Variants in TIGD3 observed in about 807,000 individuals in gnomAD.
TIGD3 encodes the protein tigger transposable element derived 3, also known as tigger transposable element-derived protein 3.
TIGD3 carries 7 observed loss-of-function variants against 14.8 expected under a neutral mutation model. That is an observed-to-expected ratio of 0.47 (90% confidence interval 0.27 to 0.89). The LOEUF (loss-of-function observed/expected upper bound fraction) is 0.89. Ranked by LOEUF, TIGD3 falls within the 40% of genes least tolerant of loss-of-function variation. The probability of loss-of-function intolerance (pLI) is 0.13; values close to 1 mark genes in which losing one functional copy is unlikely to be tolerated. For missense variants in TIGD3, 581 were observed against 611.0 expected, an observed-to-expected ratio of 0.95 and a Z score of 0.52; for synonymous variants, 243 against 269.4, an observed-to-expected ratio of 0.90 and a Z score of 0.96.
rs754612659 is a variant in TIGD3, at chr11:65,357,194, G to A, written c.1386G>A (p.Glu462=). The change falls in exon 2 of 2, where the codon GAG becomes GAA. Residue 462 remains glutamate, a synonymous_variant. Coordinates refer to ENST00000309880, the MANE Select transcript of TIGD3 (RefSeq NM_145719.3). The stretch of plus-strand genomic sequence containing the variant: ...TATTCGAAAAATTCTACGACTGTGA[G>A]GAGGAGGTGGAGCGGCTTTGCTGCC... ...PELFEKFYDC[E]EEVERLCCL is the part of the protein sequence containing the mutation. 2.5e-6 allele frequency: 4 copies of A among 1,614,074 alleles called. No individual in the cohort carries two copies. Among genetic ancestry groups the A allele is most frequent in the African/African-American group, 2.7e-5 (2 of 74,946 alleles).
At position 65,356,817 on chromosome 11, in the gene TIGD3, G is replaced by A. The variant is rs758062606; in HGVS notation, c.1009G>A (p.Val337Met). The change falls in exon 2 of 2, where the codon GTG (valine) becomes ATG (methionine). Residue 337 changes from valine to methionine, a missense_variant. Transcript: ENST00000309880. This position sits in a 1 kb window ranked among gnomAD's most constrained non-coding sequence, Gnocchi z 5.2. ...SLAEAGAGIT[V>M]LDALHVASAA... ...GGCCGAGGCCGGGGCAGGCATCACC[G>A]TGCTGGACGCCCTGCACGTGGCGTC... The A allele has an allele frequency of 2.6e-5, 42 of 1,612,938 alleles. No individual in the cohort carries two copies. Among genetic ancestry groups the A allele is most frequent in the Admixed American group, 8.3e-5 (5 of 60,004 alleles).
chr11:65,356,510 C>G lies in TIGD3; in HGVS notation c.702C>G (p.Ser234=). The G allele has an allele frequency of 1.9e-6, 3 of 1,606,806 alleles. No individual in the cohort carries two copies. The highest frequency in any genetic ancestry group is 2.5e-6 in the Non-Finnish European group (3 of 1,179,964). ...TCCGCAGTGAGGCTCTGCCTGCCTC[C>G]TACCACCCGGACCTGGGCATCCCCT... The part of the protein sequence containing the change: ...FGIRSEALPA[S]YHPDLGIPWL... Residue 234 remains serine (S), a synonymous_variant, in exon 2 of 2, where the codon TCC becomes TCG. Coordinates refer to ENST00000309880, the MANE Select transcript of TIGD3 (RefSeq NM_145719.3). The surrounding 1 kb of genome is among the most constrained non-coding windows in gnomAD (Gnocchi z 5.2).
chr11:65,356,952 C>T lies in TIGD3; in HGVS notation c.1144C>T (p.Pro382Ser), dbSNP rs777668705. The T allele has an allele frequency of 1.2e-6, 2 of 1,614,182 alleles. No individual in the cohort carries two copies. Among genetic ancestry groups the T allele is most frequent in the South Asian group, 1.1e-5 (1 of 91,088 alleles). The change falls in exon 2 of 2, where the codon CCA becomes TCA. Residue 382 changes from proline to serine, a missense_variant. By Grantham distance (74) the Pro-to-Ser change is moderately conservative. Transcript: ENST00000309880. This position sits in a 1 kb window ranked among gnomAD's most constrained non-coding sequence, Gnocchi z 5.2. Reference protein sequence around the residue: ...PSSHKTSEMPPVPGGLSLEEF... With the variant: ...PSSHKTSEMPSVPGGLSLEEF... ...CTCGCACAAAACCTCTGAGATGCCA[C>T]CAGTCCCCGGCGGGCTGAGCCTGGA...
intron 1 of TIGD3, among the ~76,000 whole-genome samples, chr11:65,355,395 G>T (rs891179270): frequency 1.6e-5 from 1 of 63,786 alleles, no homozygotes; most frequent in Non-Finnish European, 2.9e-5. Context: ...AGCCCAAGCC[G>T]CCTCCCACTC....
chr11:65,355,938 C>T lies in TIGD3; in HGVS notation c.130C>T (p.Gln44Ter). The part of the protein sequence containing the change: ...VARRFQVSQP[Q>*]ISRICKNKEK... ...CCGGCGCTTCCAGGTTTCCCAGCCCCAGATCTCGCGCATCTGCAAGAATAA... is the reference window on the plus strand; with the variant it reads ...CCGGCGCTTCCAGGTTTCCCAGCCCTAGATCTCGCGCATCTGCAAGAATAA... Residue 44 changes from glutamine (Q) to a stop codon, truncating the protein, a stop_gained, in exon 2 of 2, where the codon CAG becomes TAG. Transcript: ENST00000309880. LOFTEE classifies it high-confidence loss of function. The T allele has an allele frequency of 6.2e-7, 1 of 1,613,966 alleles. No individual in the cohort carries two copies.
Position 65,356,033 on chromosome 11 carries a change from G to A in TIGD3, c.225G>A (p.Lys75=). ...AGCGCAAGCGCAAGCGGGAGTCCAAGTACAGCGGGATCGACGAGGCTCTGC... is the reference window on the plus strand; with the variant it reads ...AGCGCAAGCGCAAGCGGGAGTCCAAATACAGCGGGATCGACGAGGCTCTGC... ...NRERKRKRES[K]YSGIDEALLC... is the part of the protein sequence containing the mutation. Residue 75 remains lysine (K), a synonymous_variant, in exon 2 of 2, where the codon AAG becomes AAA. Transcript: ENST00000309880. This position sits in a 1 kb window ranked among gnomAD's most constrained non-coding sequence, Gnocchi z 5.2. The A allele has an allele frequency of 6.2e-7, 1 of 1,613,350 alleles. No homozygotes were observed. The highest frequency in any genetic ancestry group is 8.5e-7 in the Non-Finnish European group (1 of 1,180,038).
rs771841814 is a variant in TIGD3 at position 65,355,765 on chromosome 11, A to G, written c.-16-28A>G. 5.6e-5 allele frequency: 87 copies of G among 1,554,782 alleles called. 1 individual carries two copies. The Admixed American group carries it at 1.6e-3, about 29-fold the overall frequency. ...AGCTCTTCCGGCCTCAGATTACTCT[A>G]CCCGCTCAATCTTTCCTCCCCGCAC... is the stretch of plus-strand genomic sequence containing the variant. On this transcript the variant is annotated intron_variant, in intron 1 of 1. Coordinates refer to ENST00000309880, the MANE Select transcript of TIGD3 (RefSeq NM_145719.3).
At position 65,356,102 on chromosome 11, in the gene TIGD3, G is replaced by A. The variant is rs1854848524; in HGVS notation, c.294G>A (p.Thr98=). 1.9e-6 allele frequency: 3 copies of A among 1,611,306 alleles called. No individual in the cohort carries two copies. Among genetic ancestry groups the A allele is most frequent in the African/African-American group, 2.7e-5 (2 of 75,072 alleles). Residue 98 remains threonine, a synonymous_variant, in exon 2 of 2, where the codon ACG becomes ACA. Transcript: ENST00000309880. The surrounding 1 kb of genome is among the most constrained non-coding windows in gnomAD (Gnocchi z 5.2). The part of the protein sequence containing the change: ...HIARAKAWDV[T]GPMLLHKAKE... ...CCCGGGCCAAGGCCTGGGACGTGAC[G>A]GGGCCCATGCTGCTCCACAAAGCCA...
chr11:65,356,353 A>G lies in TIGD3; in HGVS notation c.545A>G (p.Tyr182Cys), dbSNP rs2137725699. ...GGCTGTGCTGAATTGCCCTTGCTGT[A>G]TCGGGCAGTGCCCGGCAGCTTTGGT... ...VFGCAELPLL[Y>C]RAVPGSFGAC... is the part of the protein sequence containing the mutation. The change falls in exon 2 of 2, where the codon TAT becomes TGT. Residue 182 changes from tyrosine to cysteine, a missense_variant. Tyr to Cys is a radical substitution (Grantham distance 194). Transcript: ENST00000309880. The surrounding 1 kb of genome is among the most constrained non-coding windows in gnomAD (Gnocchi z 5.2). The G allele has an allele frequency of 6.2e-7, 1 of 1,611,904 alleles. No homozygotes were observed.
rs996985367 is a variant in TIGD3 at position 65,357,429 on chromosome 11, G to A, written c.*205G>A. On this transcript the variant is annotated 3_prime_UTR_variant, in exon 2 of 2. Coordinates refer to ENST00000309880, the MANE Select transcript of TIGD3 (RefSeq NM_145719.3). ...AAGAGAGCTCTAAAGATGGGGCTTC[G>A]GGGGTAGGAATCCAGGATGCTTAGT... 17 of 575,612 alleles carry A rather than the reference G, an allele frequency of 3.0e-5. No individual in the cohort carries two copies. Among genetic ancestry groups the A allele is most frequent in the South Asian group, 2.3e-4 (11 of 46,974 alleles). The allele number at this position is 575,612 out of a possible 1,614,324, so 35.7% of individuals were successfully genotyped here. A position where few individuals can be genotyped will look rare whatever the true frequency, so the allele number is the denominator to read the frequency against.
Position 65,356,214 on chromosome 11 carries a change from G to T in TIGD3, c.406G>T (p.Gly136Trp), listed in dbSNP as rs769813192. ...RWKRRNNVGF[G>W]ARHVLAPSFP... ...GAAACGCCGAAACAACGTCGGCTTT[G>T]GGGCCCGCCATGTTCTTGCGCCTTC... is the stretch of plus-strand genomic sequence containing the variant. The change falls in exon 2 of 2, where the codon GGG becomes TGG. Residue 136 changes from glycine to tryptophan, a missense_variant. Coordinates refer to ENST00000309880, the MANE Select transcript of TIGD3 (RefSeq NM_145719.3). This position sits in a 1 kb window ranked among gnomAD's most constrained non-coding sequence, Gnocchi z 5.2. 15 of 1,612,476 alleles carry T rather than the reference G, an allele frequency of 9.3e-6. No individual in the cohort carries two copies. The highest frequency in any genetic ancestry group is 1.3e-5 in the Non-Finnish European group (15 of 1,179,990).
Position 65,356,929 on chromosome 11 carries a change from C to T in TIGD3, c.1121C>T (p.Ser374Leu), listed in dbSNP as rs750662966. 3 of 1,614,130 alleles carry T rather than the reference C, an allele frequency of 1.9e-6. No homozygotes were observed. The highest frequency in any genetic ancestry group is 1.7e-5 in the Admixed American group (1 of 60,034). ...GLAPGKTPPS[S>L]HKTSEMPPVP... The stretch of plus-strand genomic sequence containing the variant: ...GCTCCCGGCAAAACGCCCCCGTCCT[C>T]GCACAAAACCTCTGAGATGCCACCA... Residue 374 changes from serine (S) to leucine (L), a missense_variant, in exon 2 of 2, where the codon TCG becomes TTG. Coordinates refer to ENST00000309880, the MANE Select transcript of TIGD3 (RefSeq NM_145719.3). The surrounding 1 kb of genome is among the most constrained non-coding windows in gnomAD (Gnocchi z 5.2).
At position 65,356,017 on chromosome 11, in the gene TIGD3, G is replaced by A. The variant is rs144643341; in HGVS notation, c.209G>A (p.Arg70His). The A allele has an allele frequency of 2.5e-6, 4 of 1,613,600 alleles. No individual in the cohort carries two copies. The South Asian group carries it at 3.3e-5, about 13-fold the overall frequency. ...GGCACAGCCAACCGAGAGCGCAAGC[G>A]CAAGCGGGAGTCCAAGTACAGCGGG... Reference protein sequence around the residue: ...CSGTANRERKRKRESKYSGID... With the variant: ...CSGTANRERKHKRESKYSGID... Residue 70 changes from arginine (R) to histidine (H), a missense_variant, in exon 2 of 2, where the codon CGC becomes CAC. Transcript: ENST00000309880. The surrounding 1 kb of genome is among the most constrained non-coding windows in gnomAD (Gnocchi z 5.2).
Position 65,356,680 on chromosome 11 carries a change from G to A in TIGD3, c.872G>A (p.Ser291Asn), listed in dbSNP as rs760379588. 1 of 1,613,308 alleles carries A rather than the reference G, an allele frequency of 6.2e-7. No homozygotes were observed. The highest frequency in any genetic ancestry group is 1.1e-5 in the South Asian group (1 of 91,084). Residue 291 changes from serine (S) to asparagine (N), a missense_variant, in exon 2 of 2, where the codon AGC (serine) becomes AAC (asparagine). Transcript: ENST00000309880. The surrounding 1 kb of genome is among the most constrained non-coding windows in gnomAD (Gnocchi z 5.2). ...AAGCTCTTGCCTCTGGCCGCCTCTA[G>A]CACCACGCCTCCCCTGCCCAGCTCA... ...HVKLLPLAAS[S>N]TTPPLPSSVV...
At position 65,356,225 on chromosome 11, in the gene TIGD3, T is replaced by C. The variant is rs763224352; in HGVS notation, c.417T>C (p.His139=). The C allele has an allele frequency of 2.5e-6, 4 of 1,613,040 alleles. No homozygotes were observed. In the African/African-American group the frequency reaches 5.3e-5, roughly 22 times the overall value. ...RRNNVGFGAR[H]VLAPSFPPEP... is the part of the protein sequence containing the mutation. The stretch of plus-strand genomic sequence containing the variant: ...ACAACGTCGGCTTTGGGGCCCGCCA[T>C]GTTCTTGCGCCTTCATTCCCCCCTG... The change falls in exon 2 of 2, where the codon CAT becomes CAC. Residue 139 remains histidine, a synonymous_variant. Coordinates refer to ENST00000309880, the MANE Select transcript of TIGD3 (RefSeq NM_145719.3). This position sits in a 1 kb window ranked among gnomAD's most constrained non-coding sequence, Gnocchi z 5.2.
intron 1 of TIGD3, 118 bp downstream of exon 1, chr11:65,355,075 T>C (rs1001952169): frequency 6.6e-6 from 1 of 151,616 alleles, no homozygotes; most frequent in Non-Finnish European, 1.5e-5. Flanking sequence ...CCTGCCTGGG[T>C]CCGGGCGTTC....
Position 65,356,885 on chromosome 11 carries a change from C to T in TIGD3, c.1077C>T (p.Ser359=), listed in dbSNP as rs1371733599. 2.5e-6 allele frequency: 4 copies of T among 1,613,850 alleles called. No homozygotes were observed. In the Admixed American group the frequency reaches 6.7e-5, roughly 27 times the overall value. The change falls in exon 2 of 2, where the codon AGC becomes AGT. Residue 359 remains serine (S), a synonymous_variant. Transcript: ENST00000309880. The surrounding 1 kb of genome is among the most constrained non-coding windows in gnomAD (Gnocchi z 5.2). The part of the protein sequence containing the change: ...AKVPPQLIFS[S]FIQEGLAPGK... ...TGCCTCCTCAGCTCATTTTCAGCAG[C>T]TTCATTCAAGAAGGGCTGGCTCCCG...
chr11:65,355,978 C>T lies in TIGD3; in HGVS notation c.170C>T (p.Ala57Val). ...RICKNKEKLL[A>V]DWCSGTANRE... The stretch of plus-strand genomic sequence containing the variant: ...TGCAAGAATAAGGAGAAGCTGCTGG[C>T]GGACTGGTGCAGCGGCACAGCCAAC... Residue 57 changes from alanine (A) to valine (V), a missense_variant, in exon 2 of 2, where the codon GCG (alanine) becomes GTG (valine). By Grantham distance (64) the Ala-to-Val change is moderately conservative. Transcript: ENST00000309880. 1 of 1,613,814 alleles carries T rather than the reference C, an allele frequency of 6.2e-7. No homozygotes were observed. The highest frequency in any genetic ancestry group is 1.7e-5 in the Admixed American group (1 of 60,028).
At chr11:65,355,729 G>T in intron 1 of TIGD3, 64 bp from the exon 2 acceptor site, 1 of 1,358,158 alleles carries the variant, frequency 7.4e-7, no homozygotes, top group African/African-American at 1.5e-5. Context: ...TCCCTCCTGC[G>T]CTCCTTTCCT....
Sources: allele counts gnomAD v4.1 joint callset (sites outside exome capture counted in the v4.1 genomes callset), GRCh38; gene constraint gnomAD v4.1.1; non-coding constraint Gnocchi (gnomAD v3.1); transcripts MANE v1.5; gene names NCBI Gene and HGNC (gene_info 2026-07-23, HGNC 2026-07-21).